Variants in AGBL4 observed in about 807,000 individuals in gnomAD.
AGBL4 encodes the protein cytosolic carboxypeptidase 6.
Under a neutral mutation model 66.4 loss-of-function variants are expected in AGBL4, and 58 were observed. That is an observed-to-expected ratio of 0.87 (90% confidence interval 0.71 to 1.09). The LOEUF (loss-of-function observed/expected upper bound fraction) is 1.09, where lower values mean the gene tolerates loss of function less well. Among genes scored for constraint, AGBL4 ranks in the 50% least tolerant of loss-of-function variants. The pLI, the probability that AGBL4 is intolerant of heterozygous loss-of-function variation, is 0.00. For missense variants in AGBL4, 579 were observed against 631.0 expected, an observed-to-expected ratio of 0.92 and a Z score of 0.88; for synonymous variants, 234 against 222.9, an observed-to-expected ratio of 1.05 and a Z score of -0.44.
intron 3 of AGBL4, among the ~76,000 whole-genome samples, chr1:49,336,719 T>C (rs977108911): frequency 7.2e-5 from 11 of 152,238 alleles, no homozygotes; most frequent in Non-Finnish European, 1.6e-4. Context: ...TTGTACATCT[T>C]AAGCATTTAT....
chr1:49,553,039 T>G (rs1653094445), intron 3 of AGBL4, among the ~76,000 whole-genome samples: 2 of 152,202 alleles, frequency 1.3e-5, no homozygotes, highest in African/African-American at 4.8e-5. Flanking sequence ...AGACAATATG[T>G]AGCAACCTAC....
intron 6 of AGBL4, among the ~76,000 whole-genome samples, chr1:48,755,009 T>C (rs1652326853): frequency 6.6e-6 from 1 of 152,198 alleles, no homozygotes; most frequent in Non-Finnish European, 1.5e-5. Context: ...CATGCCTCCA[T>C]GTTGGAATAC....
chr1:49,293,485 T>C (rs890942512), intron 3 of AGBL4, among the ~76,000 whole-genome samples: 2 of 152,224 alleles, frequency 1.3e-5, no homozygotes, highest in African/African-American at 4.8e-5. Flanking sequence ...TTCATTGAGT[T>C]ATTATATACG....
intron 3 of AGBL4, among the ~76,000 whole-genome samples, chr1:49,569,831 A>T (rs1644290577): frequency 6.6e-6 from 1 of 152,146 alleles, no homozygotes; most frequent in African/African-American, 2.4e-5. Context: ...GTGAGAACAT[A>T]TGATACTTTC....
chr1:49,121,825 A>C (rs953870413), intron 4 of AGBL4, among the ~76,000 whole-genome samples: 1 of 152,230 alleles, frequency 6.6e-6, no homozygotes, highest in Non-Finnish European at 1.5e-5. Context: ...GGTGGAGTCT[A>C]TAGAGGCAGC....
chr1:49,672,357 G>A (rs1646494649), intron 3 of AGBL4, among the ~76,000 whole-genome samples: 1 of 151,860 alleles, frequency 6.6e-6, no homozygotes, highest in Non-Finnish European at 1.5e-5. Context: ...GAGGGTGGGA[G>A]GAGGAAGAGG....
chr1:49,234,206 G>A (rs938494636), intron 4 of AGBL4, among the ~76,000 whole-genome samples: 1 of 152,126 alleles, frequency 6.6e-6, no homozygotes, highest in African/African-American at 2.4e-5. Flanking sequence ...ACATAGGCAG[G>A]CACTGGGACA....
At chr1:49,095,742 G>T (rs1269177499) in intron 4 of AGBL4, among the ~76,000 whole-genome samples, 2 of 151,550 alleles carry the variant, frequency 1.3e-5, no homozygotes, top group Non-Finnish European at 2.9e-5. Flanking sequence ...AACCCTAGAA[G>T]AAAACCTAGG....
chr1:49,287,658 A>G (rs1484207342), intron 3 of AGBL4, among the ~76,000 whole-genome samples: 1 of 152,146 alleles, frequency 6.6e-6, no homozygotes, highest in African/African-American at 2.4e-5. Flanking sequence ...GCAAAACCAC[A>G]ATGAGATACC....
Position 49,270,349 on chromosome 1 carries a change from A to G in AGBL4, c.283-24485T>C, listed in dbSNP as rs575300549. ...TCTTGGTTTCCACCATCGGGGGGAC[A>G]TGATTTTCAGGTCACGTCAGGTGGC... On this transcript the variant is annotated intron_variant, in intron 3 of 13. Transcript: ENST00000371839. 3.9e-4 allele frequency among the ~76,000 whole-genome samples: 60 copies of G among 152,310 alleles called. 1 individual carries two copies. Among genetic ancestry groups the G allele is most frequent in the African/African-American group, 1.4e-3 (57 of 41,576 alleles).
intron 1 of AGBL4, among the ~76,000 whole-genome samples, chr1:49,882,608 A>G (rs1002081036): frequency 6.6e-6 from 1 of 151,986 alleles, no homozygotes; most frequent in African/African-American, 2.4e-5. Context: ...CTTCACATCC[A>G]TTGTAAGTTG....
At chr1:49,535,358 A>G (rs968483946) in intron 3 of AGBL4, among the ~76,000 whole-genome samples, 1 of 147,982 alleles carries the variant, frequency 6.8e-6, no homozygotes, top group African/African-American at 2.5e-5. Context: ...ATAATATGTT[A>G]TATTATTATA....
At chr1:49,688,412 G>A (rs968858265) in intron 3 of AGBL4, among the ~76,000 whole-genome samples, 4 of 152,124 alleles carry the variant, frequency 2.6e-5, no homozygotes, top group Middle Eastern at 3.2e-3. Flanking sequence ...AAAGGATCTC[G>A]TTCTTTTTTA....
At chr1:49,298,010 G>A (rs1038891432) in intron 3 of AGBL4, among the ~76,000 whole-genome samples, 2 of 152,110 alleles carry the variant, frequency 1.3e-5, no homozygotes, top group South Asian at 2.1e-4. Flanking sequence ...AGGCAGGAAC[G>A]TCTGCCTTTG....
At chr1:49,331,269 C>T (rs185572569) in intron 3 of AGBL4, among the ~76,000 whole-genome samples, 8 of 152,232 alleles carry the variant, frequency 5.3e-5, no homozygotes, top group Admixed American at 5.2e-4. Context: ...CTGAATCCAG[C>T]GGGTCGGGTC....
chr1:49,455,137 A>G (rs1646361060), intron 3 of AGBL4, among the ~76,000 whole-genome samples: 1 of 151,654 alleles, frequency 6.6e-6, no homozygotes, highest in Non-Finnish European at 1.5e-5. Context: ...CACTGCATTT[A>G]TCTCCAAATC....
intron 4 of AGBL4, among the ~76,000 whole-genome samples, chr1:49,203,102 AAG>A (rs1491142301): frequency 1.1e-4 from 16 of 151,164 alleles, no homozygotes; most frequent in Non-Finnish European, 2.2e-4. Context: ...AAAAAAAAAA[AAG>A]AAACAAACAG....
At chr1:48,676,942 G>C (rs1646375527) in intron 6 of AGBL4, among the ~76,000 whole-genome samples, 1 of 152,130 alleles carries the variant, frequency 6.6e-6, no homozygotes, top group Admixed American at 6.5e-5. Context: ...ACAAGGAGAA[G>C]AGGACCAGTG....
At chr1:50,023,172 C>A (rs1662574256) in intron 1 of AGBL4, among the ~76,000 whole-genome samples, 2 of 152,162 alleles carry the variant, frequency 1.3e-5, no homozygotes, top group African/African-American at 4.8e-5. Flanking sequence ...GGCCTCTTGT[C>A]TTTTTAAGGA....
Sources: gnomAD v4.1 joint callset for allele counts (sites outside exome capture counted in the v4.1 genomes callset) on GRCh38, gnomAD v4.1.1 for gene constraint, MANE v1.5 for transcripts, NCBI Gene and HGNC (gene_info 2026-07-23, HGNC 2026-07-21) for gene names.